NDST4: variants seen among roughly 807,000 people sequenced by gnomAD.
NDST4 encodes N-deacetylase and N-sulfotransferase 4.
Under a neutral mutation model 100.8 loss-of-function variants are expected in NDST4, and 63 were observed. That is an observed-to-expected ratio of 0.62 (90% confidence interval 0.51 to 0.77). The LOEUF (loss-of-function observed/expected upper bound fraction) is 0.77. NDST4 is among the 30% of genes least tolerant of loss of function. NDST4 has a pLI of 0.00. For synonymous variants in NDST4, 377 were observed against 361.8 expected (o/e 1.04, Z -0.48); for missense variants, 943 against 1,018.4 (o/e 0.93, Z 1.01).
At chr4:115,102,849 T>C (rs895679818) in intron 1 of NDST4, among the ~76,000 whole-genome samples, 4 of 151,436 alleles carry the variant, frequency 2.6e-5, no homozygotes, top group Non-Finnish European at 5.9e-5. Context: ...GCTGGAATTA[T>C]AGGCGCCTGC....
chr4:114,874,299 T>G (rs115657135), intron 6 of NDST4, among the ~76,000 whole-genome samples: 2,019 of 152,220 alleles, frequency 0.013, 45 homozygotes, highest in African/African-American at 0.046. Flanking sequence ...TTCCAGAACA[T>G]TCTTAGGAGG....
intron 4 of NDST4, among the ~76,000 whole-genome samples, chr4:114,961,069 T>C (rs2126236257): frequency 6.6e-6 from 1 of 152,178 alleles, no homozygotes; most frequent in African/African-American, 2.4e-5. Flanking sequence ...TGAAAAAGAT[T>C]CTGAGAAGTT....
intron 1 of NDST4, among the ~76,000 whole-genome samples, chr4:115,082,073 C>T (rs1824954): frequency 0.23 from 34,803 of 151,874 alleles, 5,396 homozygotes; most frequent in East Asian, 0.46. Context: ...CCTGCACAGG[C>T]TTTGATAAGA....
intron 2 of NDST4, among the ~76,000 whole-genome samples, chr4:115,037,666 T>C (rs999269789): frequency 2.0e-5 from 3 of 152,134 alleles, no homozygotes; most frequent in Non-Finnish European, 4.4e-5. Flanking sequence ...GTTCAGCAAT[T>C]TTTTTAAATT....
At chr4:114,929,422 C>G (rs560737013) in intron 6 of NDST4, among the ~76,000 whole-genome samples, 3 of 152,118 alleles carry the variant, frequency 2.0e-5, no homozygotes, top group East Asian at 3.9e-4. Context: ...CTTCATATTC[C>G]CATATTAGGA....
chr4:114,853,024 A>G (rs2126189113), intron 7 of NDST4, among the ~76,000 whole-genome samples: 1 of 152,270 alleles, frequency 6.6e-6, no homozygotes, highest in African/African-American at 2.4e-5. Context: ...ACTCAGCATC[A>G]AGTCCTTCCT....
At chr4:114,829,065 C>A (rs963300042) in intron 13 of NDST4, among the ~76,000 whole-genome samples, 3 of 151,990 alleles carry the variant, frequency 2.0e-5, no homozygotes, top group Non-Finnish European at 4.4e-5. Flanking sequence ...TTATTGAGTT[C>A]AAAAATGTAG....
chr4:115,078,707 G>C (rs1729240845), intron 1 of NDST4, among the ~76,000 whole-genome samples: 1 of 152,032 alleles, frequency 6.6e-6, no homozygotes, highest in Non-Finnish European at 1.5e-5. Context: ...CAGGCATGGT[G>C]GTGGGTGCCT....
At chr4:114,883,108 T>C (rs1475492658) in intron 6 of NDST4, among the ~76,000 whole-genome samples, 1 of 152,056 alleles carries the variant, frequency 6.6e-6, no homozygotes, top group East Asian at 1.9e-4. Context: ...TGAAGTTTTT[T>C]AGGCAGAGAA....
At chr4:115,064,380 T>C (rs1269087532) in intron 2 of NDST4, among the ~76,000 whole-genome samples, 1 of 152,062 alleles carries the variant, frequency 6.6e-6, no homozygotes, top group Non-Finnish European at 1.5e-5. Flanking sequence ...ATTTCCTTGT[T>C]GTCTTGACAC....
chr4:114,888,318 A>G (rs1459262802), intron 6 of NDST4, among the ~76,000 whole-genome samples: 1 of 152,096 alleles, frequency 6.6e-6, no homozygotes, highest in Non-Finnish European at 1.5e-5. Context: ...CCTTACTACA[A>G]GTGATAAAAT....
At chr4:114,950,379 T>G (rs1725964533) in intron 4 of NDST4, among the ~76,000 whole-genome samples, 1 of 152,072 alleles carries the variant, frequency 6.6e-6, no homozygotes, top group Admixed American at 6.6e-5. Context: ...TGATGAAAAA[T>G]GTGCATTAGC....
chr4:115,032,824 T>A (rs1560574051), intron 2 of NDST4, among the ~76,000 whole-genome samples: 1 of 152,052 alleles, frequency 6.6e-6, no homozygotes, highest in Admixed American at 6.6e-5. Flanking sequence ...AGTTGGAAGA[T>A]GACTAATGAT....
chr4:114,911,951 A>G (rs1042041454), intron 6 of NDST4, among the ~76,000 whole-genome samples: 1 of 152,162 alleles, frequency 6.6e-6, no homozygotes, highest in African/African-American at 2.4e-5. Context: ...AGCAGCTGAG[A>G]GGGGGAAGTT....
chr4:115,050,064 C>T (rs1174037024), intron 2 of NDST4, among the ~76,000 whole-genome samples: 2 of 152,082 alleles, frequency 1.3e-5, no homozygotes. Flanking sequence ...TCACCTGATA[C>T]CTTTACTTTA....
At chr4:115,083,040 A>T (rs1282157119) in intron 1 of NDST4, among the ~76,000 whole-genome samples, 2 of 152,198 alleles carry the variant, frequency 1.3e-5, no homozygotes, top group Non-Finnish European at 2.9e-5. Flanking sequence ...TGGCTGTGAG[A>T]AAACTATTTT....
At chr4:114,983,998 C>G (rs1271310613) in intron 2 of NDST4, among the ~76,000 whole-genome samples, 1 of 152,072 alleles carries the variant, frequency 6.6e-6, no homozygotes, top group Non-Finnish European at 1.5e-5. Flanking sequence ...GTAAGATGTG[C>G]CTTGCTTCCC....
chr4:115,058,172 A>G (rs906942381), intron 2 of NDST4, among the ~76,000 whole-genome samples: 3 of 152,174 alleles, frequency 2.0e-5, no homozygotes, highest in African/African-American at 7.2e-5. Context: ...CTCTGTAAAC[A>G]CAGAGAAATG....
At chr4:115,112,718 T>C (rs1729979860) in intron 1 of NDST4, among the ~76,000 whole-genome samples, 2 of 151,928 alleles carry the variant, frequency 1.3e-5, no homozygotes, top group South Asian at 4.1e-4. Context: ...AGTAAAACCA[T>C]ATTCCAATAA....
Sources: gnomAD v4.1 joint callset for allele counts (sites outside exome capture counted in the v4.1 genomes callset) on GRCh38, gnomAD v4.1.1 for gene constraint, MANE v1.5 for transcripts, NCBI Gene and HGNC (gene_info 2026-07-23, HGNC 2026-07-21) for gene names.